Variants in ASTN2 observed in about 807,000 individuals in gnomAD.
The protein encoded by ASTN2 is astrotactin-2.
ASTN2 carries 54 observed loss-of-function variants against 139.8 expected under a neutral mutation model. The observed-to-expected ratio is 0.39, with a 90% CI of 0.31 to 0.48. The LOEUF (loss-of-function observed/expected upper bound fraction) is 0.48, where lower values mean the gene tolerates loss of function less well. Ranked by LOEUF, ASTN2 falls within the 20% of genes least tolerant of loss-of-function variation. The pLI, the probability that ASTN2 is intolerant of heterozygous loss-of-function variation, is 0.95. For synonymous variants in ASTN2, 756 were observed against 719.5 expected, an observed-to-expected ratio of 1.05 and a Z score of -0.81; for missense variants, 1,565 against 1,725.1, an observed-to-expected ratio of 0.91 and a Z score of 1.64.
intron 6 of ASTN2, among the ~76,000 whole-genome samples, chr9:117,022,455 C>A (rs71502089): frequency 0.47 from 69,583 of 148,140 alleles, 16,748 homozygotes; most frequent in Middle Eastern, 0.52. Context: ...AAAAAAAAAA[C>A]AAAAAAACAA....
At chr9:116,942,076 ACGT>A in intron 10 of ASTN2, among the ~76,000 whole-genome samples, 1 of 52,184 alleles carries the variant, frequency 1.9e-5, no homozygotes, top group Middle Eastern at 0.015. Flanking sequence ...ATGCAAGTGC[ACGT>A]ACGCACGCAC....
At chr9:117,070,898 G>A (rs987461063) in intron 5 of ASTN2, among the ~76,000 whole-genome samples, 1 of 148,092 alleles carries the variant, frequency 6.8e-6, no homozygotes, top group Non-Finnish European at 1.5e-5. Flanking sequence ...GGTTATTCTA[G>A]TTATACATTC....
intron 12 of ASTN2, among the ~76,000 whole-genome samples, chr9:116,818,687 C>G (rs1831403257): frequency 6.6e-6 from 1 of 152,142 alleles, no homozygotes; most frequent in African/African-American, 2.4e-5. Flanking sequence ...ATTTATTTAA[C>G]AAACACATAC....
intron 4 of ASTN2, among the ~76,000 whole-genome samples, chr9:117,120,862 C>T (rs1313299265): frequency 6.6e-6 from 1 of 152,180 alleles, no homozygotes; most frequent in Non-Finnish European, 1.5e-5. Flanking sequence ...GTATCATATT[C>T]ACATTTAATT....
intron 19 of ASTN2, among the ~76,000 whole-genome samples, chr9:116,501,575 C>T (rs1372605290): frequency 6.6e-6 from 1 of 152,074 alleles, no homozygotes; most frequent in East Asian, 1.9e-4. Context: ...AGTTTACAGT[C>T]CCACCAACAG....
intron 3 of ASTN2, among the ~76,000 whole-genome samples, chr9:117,164,317 C>T (rs1394813266): frequency 2.0e-5 from 3 of 152,076 alleles, no homozygotes; most frequent in African/African-American, 4.8e-5. Flanking sequence ...TGACTTCCAA[C>T]TGGCTGAAGA....
intron 10 of ASTN2, among the ~76,000 whole-genome samples, chr9:116,963,316 C>A (rs1194961667): frequency 6.6e-6 from 1 of 151,936 alleles, no homozygotes; most frequent in Non-Finnish European, 1.5e-5. Flanking sequence ...AGAGCACTGG[C>A]AAAGGCAAGG....
intron 12 of ASTN2, among the ~76,000 whole-genome samples, chr9:116,820,200 G>A (rs938128319): frequency 6.6e-6 from 1 of 152,170 alleles, no homozygotes; most frequent in African/African-American, 2.4e-5. Flanking sequence ...CTGAAACCAA[G>A]CTTGAAGGCT....
At chr9:116,773,170 T>C (rs2132188961) in intron 13 of ASTN2, among the ~76,000 whole-genome samples, 1 of 151,742 alleles carries the variant, frequency 6.6e-6, no homozygotes, top group South Asian at 2.1e-4. Context: ...TTTTAGGACA[T>C]AGAACTCTAA....
At chr9:117,252,550 C>T (rs766198138) in intron 2 of ASTN2, among the ~76,000 whole-genome samples, 2 of 152,056 alleles carry the variant, frequency 1.3e-5, no homozygotes, top group Non-Finnish European at 2.9e-5. Context: ...CCAGTGTCTC[C>T]CAACTATGTT....
At chr9:116,632,150 GA>G (rs1856782152) in intron 17 of ASTN2, among the ~76,000 whole-genome samples, 1 of 75,554 alleles carries the variant, frequency 1.3e-5, no homozygotes, top group Non-Finnish European at 2.5e-5. Flanking sequence ...GAGAGAGAGA[GA>G]GAGAGACAGA....
chr9:117,103,611 C>A (rs1829034245), intron 4 of ASTN2, among the ~76,000 whole-genome samples: 1 of 152,158 alleles, frequency 6.6e-6, no homozygotes, highest in South Asian at 2.1e-4. Flanking sequence ...CTCGACAGGC[C>A]CAGCCCTCCA....
intron 4 of ASTN2, among the ~76,000 whole-genome samples, chr9:117,134,096 T>G (rs765784655): frequency 4.0e-4 from 60 of 151,622 alleles, no homozygotes; most frequent in Non-Finnish European, 1.6e-4. Flanking sequence ...AAGGACAAAG[T>G]GTAGGGAAGC....
intron 19 of ASTN2, among the ~76,000 whole-genome samples, chr9:116,617,323 G>T (rs72762019): frequency 6.6e-6 from 1 of 152,066 alleles, no homozygotes; most frequent in East Asian, 1.9e-4. Flanking sequence ...AACAATAAAG[G>T]TCCTTTCATT....
At chr9:116,874,706 C>G (rs1417370794) in intron 10 of ASTN2, among the ~76,000 whole-genome samples, 9 of 152,080 alleles carry the variant, frequency 5.9e-5, no homozygotes. Flanking sequence ...AGCACTCACC[C>G]CTGGAGTTGG....
chr9:116,722,358 G>C (rs915870510), intron 16 of ASTN2, among the ~76,000 whole-genome samples: 44 of 152,280 alleles, frequency 2.9e-4, no homozygotes, highest in Middle Eastern at 3.4e-3. Flanking sequence ...AAACACTTAG[G>C]GGAATGAGAG....
chr9:117,283,817 G>T (rs1335764359), intron 2 of ASTN2, among the ~76,000 whole-genome samples: 2 of 152,170 alleles, frequency 1.3e-5, no homozygotes, highest in Non-Finnish European at 2.9e-5. Context: ...GACCTTCAAT[G>T]ATATTACTTA....
intron 20 of ASTN2, among the ~76,000 whole-genome samples, chr9:116,460,963 T>C (rs889304455): frequency 6.6e-6 from 1 of 152,162 alleles, no homozygotes; most frequent in Non-Finnish European, 1.5e-5. Context: ...CAGCATTTCC[T>C]ATTTTTTGGC....
In ASTN2 at chr9:116,440,758, C is replaced by A; in HGVS notation, c.3633G>T (p.Gly1211=). ...IADKIYNLYN[G]YTSGKEQQMA... The stretch of plus-strand genomic sequence containing the variant: ...TCTGCTGCTCCTTTCCACTTGTGTA[C>A]CCATTGTACAGATTGTAGATCTTGT... Residue 1211 remains glycine, a synonymous_variant, in exon 22 of 23, where the codon GGG becomes GGT. Transcript: ENST00000313400. 1 of 1,614,108 alleles carries A rather than the reference C, an allele frequency of 6.2e-7. No individual in the cohort carries two copies. The highest frequency in any genetic ancestry group is 8.5e-7 in the Non-Finnish European group (1 of 1,180,002).
Sources: allele counts gnomAD v4.1 joint callset (sites outside exome capture counted in the v4.1 genomes callset), GRCh38; gene constraint gnomAD v4.1.1; transcripts MANE v1.5; gene names NCBI Gene and HGNC (gene_info 2026-07-23, HGNC 2026-07-21).